The following COL23A1 variants were observed in gnomAD, a reference collection of about 807,000 sequenced individuals.
COL23A1 encodes collagen alpha-1(XXIII) chain.
A neutral mutation model predicts 99.3 loss-of-function variants in COL23A1; 97 were observed. The observed-to-expected ratio is 0.98, with a 90% CI of 0.83 to 1.16. The LOEUF (loss-of-function observed/expected upper bound fraction) is 1.16. Among genes scored for constraint, COL23A1 ranks in the 50% most tolerant of loss-of-function variants. The pLI is 0.00. For synonymous variants in COL23A1, 320 were observed against 308.2 expected (o/e 1.04, Z -0.40); for missense variants, 762 against 757.4 (o/e 1.01, Z -0.07).
At chr5:178,263,475 C>T (rs968683778) in intron 8 of COL23A1, 151 bp from the exon 9 acceptor site, 1 of 602,110 alleles carries the variant, frequency 1.7e-6, no homozygotes, top group Non-Finnish European at 2.9e-6. Context: ...CCTCTTGCCA[C>T]TTATTGGGAG....
At chr5:178,580,875 G>C (rs1763628151) in intron 1 of COL23A1, among the ~76,000 whole-genome samples, 1 of 152,150 alleles carries the variant, frequency 6.6e-6, no homozygotes, top group Non-Finnish European at 1.5e-5. Flanking sequence ...CAGCTGTGGT[G>C]GTGCTCACCT....
chr5:178,394,542 T>A (rs1764126029), intron 2 of COL23A1, among the ~76,000 whole-genome samples: 1 of 152,242 alleles, frequency 6.6e-6, no homozygotes, highest in Non-Finnish European at 1.5e-5. Flanking sequence ...TGTTCCGGCC[T>A]CAACATGGTG....
At chr5:178,421,802 G>C (rs1765645984) in intron 2 of COL23A1, among the ~76,000 whole-genome samples, 1 of 152,232 alleles carries the variant, frequency 6.6e-6, no homozygotes, top group Non-Finnish European at 1.5e-5. Context: ...CCGGGAAGCA[G>C]AAGTTGCAGT....
At chr5:178,526,326 C>T (rs1760306276) in intron 2 of COL23A1, among the ~76,000 whole-genome samples, 4 of 152,222 alleles carry the variant, frequency 2.6e-5, no homozygotes, top group African/African-American at 7.2e-5. Context: ...AAGCAAAGCC[C>T]CACACCCTCT....
At chr5:178,507,680 G>C (rs776703808) in intron 2 of COL23A1, among the ~76,000 whole-genome samples, 1 of 152,196 alleles carries the variant, frequency 6.6e-6, no homozygotes, top group Non-Finnish European at 1.5e-5. Flanking sequence ...AGTTCCTGAG[G>C]AGCGATCTGC....
intron 2 of COL23A1, among the ~76,000 whole-genome samples, chr5:178,516,331 G>T (rs1020739813): frequency 1.3e-5 from 2 of 152,190 alleles, no homozygotes; most frequent in Admixed American, 1.3e-4. Flanking sequence ...ACTGAGGCCT[G>T]GCCTCCTAAC....
intron 2 of COL23A1, among the ~76,000 whole-genome samples, chr5:178,339,962 C>T (rs1760560508): frequency 6.6e-6 from 1 of 152,102 alleles, no homozygotes; most frequent in South Asian, 2.1e-4. Context: ...AAATGTGATT[C>T]TGCAACAATG....
chr5:178,343,378 T>G (rs1760777402), intron 2 of COL23A1, among the ~76,000 whole-genome samples: 1 of 152,096 alleles, frequency 6.6e-6, no homozygotes, highest in African/African-American at 2.4e-5. Context: ...TTTTTATTTA[T>G]AAAAAGAAAG....
At chr5:178,540,742 T>C (rs558190991) in intron 2 of COL23A1, among the ~76,000 whole-genome samples, 18 of 152,134 alleles carry the variant, frequency 1.2e-4, no homozygotes, top group South Asian at 2.1e-4. Flanking sequence ...GGCAACACAG[T>C]GAGACTCCAT....
chr5:178,449,398 C>T (rs1004306599), intron 2 of COL23A1, among the ~76,000 whole-genome samples: 4 of 152,188 alleles, frequency 2.6e-5, no homozygotes, highest in African/African-American at 9.7e-5. Context: ...CTGGTCATGA[C>T]TCTGATAAGA....
intron 2 of COL23A1, among the ~76,000 whole-genome samples, chr5:178,354,003 T>C (rs968146513): frequency 4.6e-5 from 7 of 151,490 alleles, no homozygotes; most frequent in African/African-American, 7.3e-5. Flanking sequence ...GATTTACATA[T>C]GTGTTTGTTT....
chr5:178,312,229 C>T lies in COL23A1; in HGVS notation c.362-5310G>A, dbSNP rs566284430. Among the ~76,000 whole-genome samples, 134 of 152,254 alleles carry T rather than the reference C, an allele frequency of 8.8e-4. 2 individuals carry two copies. The highest frequency in any genetic ancestry group is 3.4e-3 in the Middle Eastern group (1 of 294). The stretch of plus-strand genomic sequence containing the variant: ...CTAATCACTGCCTGTCTGTGAACCT[C>T]TGGATGAGAATGCAGAGGCTGAGCT... On this transcript the variant is annotated intron_variant, in intron 2 of 28. Transcript: ENST00000390654.
chr5:178,341,943 G>A (rs541827262), intron 2 of COL23A1, among the ~76,000 whole-genome samples: 30 of 152,122 alleles, frequency 2.0e-4, no homozygotes, highest in Admixed American at 6.5e-4. Flanking sequence ...GCTCTCACCC[G>A]GCACTGGAGA....
At chr5:178,454,348 T>C (rs1353831873) in intron 2 of COL23A1, among the ~76,000 whole-genome samples, 3 of 152,216 alleles carry the variant, frequency 2.0e-5, no homozygotes, top group Non-Finnish European at 4.4e-5. Context: ...AAATGGTCAC[T>C]TTCTCTATGG....
intron 2 of COL23A1, among the ~76,000 whole-genome samples, chr5:178,357,889 GTGTGTATGTGTGTCTAATGTGTGTGTA>G (rs1761789877): frequency 6.9e-6 from 1 of 144,692 alleles, no homozygotes; most frequent in African/African-American, 2.6e-5. Flanking sequence ...GTGTACGTGT[GTGTGTATGTGTGTCTAATGTGTGTGTA>G]TGTGTATGTG....
chr5:178,396,956 G>A (rs1259779659), intron 2 of COL23A1, among the ~76,000 whole-genome samples: 1 of 152,218 alleles, frequency 6.6e-6, no homozygotes, highest in African/African-American at 2.4e-5. Context: ...GTGAACAAAC[G>A]TCAAAGATCT....
chr5:178,319,925 A>G (rs1485630651), intron 2 of COL23A1, among the ~76,000 whole-genome samples: 1 of 152,050 alleles, frequency 6.6e-6, no homozygotes, highest in Non-Finnish European at 1.5e-5. Context: ...ACCCGGCCGC[A>G]TGCCCCTCCG....
chr5:178,521,028 G>A (rs988735684), intron 2 of COL23A1, among the ~76,000 whole-genome samples: 1 of 152,082 alleles, frequency 6.6e-6, no homozygotes, highest in African/African-American at 2.4e-5. Context: ...CTACACACTG[G>A]GCTACGTGGT....
intron 2 of COL23A1, among the ~76,000 whole-genome samples, chr5:178,441,538 G>A (rs937945919): frequency 6.6e-6 from 1 of 152,130 alleles, no homozygotes; most frequent in African/African-American, 2.4e-5. Flanking sequence ...GCTTGCTGAT[G>A]AAGCTGACCC....
Sources: allele counts gnomAD v4.1 joint callset (sites outside exome capture counted in the v4.1 genomes callset), GRCh38; gene constraint gnomAD v4.1.1; transcripts MANE v1.5; gene names NCBI Gene and HGNC (gene_info 2026-07-23, HGNC 2026-07-21).